Variants in RFX3 observed in about 807,000 individuals in gnomAD.
RFX3 encodes the protein transcription factor RFX3.
A neutral mutation model predicts 98.6 loss-of-function variants in RFX3; 14 were observed. The ratio of observed to expected loss-of-function variants is 0.14; its 90% CI spans 0.09 to 0.22. The LOEUF (loss-of-function observed/expected upper bound fraction) is 0.22, where lower values mean the gene tolerates loss of function less well. Ranked by LOEUF, RFX3 falls within the 10% of genes least tolerant of loss-of-function variation. The pLI is 1.00. For missense variants in RFX3, 639 were observed against 926.9 expected, an observed-to-expected ratio of 0.69 and a Z score of 4.03; for synonymous variants, 383 against 328.4, an observed-to-expected ratio of 1.17 and a Z score of -1.80.
intron 5 of RFX3, 121 bp from the exon 6 acceptor site, chr9:3,293,379 G>C (rs370324947): frequency 9.0e-6 from 6 of 664,288 alleles, no homozygotes; most frequent in African/African-American, 7.4e-5. Flanking sequence ...TTATGATAGA[G>C]TAAACTGCTA....
intron 2 of RFX3, among the ~76,000 whole-genome samples, chr9:3,366,622 ATTTTCTTTTCTTTTTT>A (rs1190696563): frequency 1.4e-5 from 2 of 142,864 alleles, no homozygotes; most frequent in Non-Finnish European, 3.1e-5. Flanking sequence ...TTTTTGGCAA[ATTTTCTTTTCTTTTTT>A]TTTTCTTTCT....
intron 2 of RFX3, among the ~76,000 whole-genome samples, chr9:3,388,843 A>G (rs2131827448): frequency 6.6e-6 from 1 of 152,248 alleles, no homozygotes; most frequent in East Asian, 1.9e-4. Context: ...GGGCTCCACT[A>G]TACCTCATGT....
At chr9:3,470,311 C>G (rs80055934) in intron 1 of RFX3, among the ~76,000 whole-genome samples, 4 of 150,436 alleles carry the variant, frequency 2.7e-5, no homozygotes, top group Non-Finnish European at 5.9e-5. Context: ...TTCTTTTTTT[C>G]TTTTTCCTTT....
At chr9:3,381,902 C>T (rs1246684822) in intron 2 of RFX3, among the ~76,000 whole-genome samples, 4 of 152,276 alleles carry the variant, frequency 2.6e-5, no homozygotes, top group South Asian at 2.1e-4. Flanking sequence ...TATATTACTA[C>T]TTTCAGTTTT....
At chr9:3,468,162 T>C (rs930139336) in intron 1 of RFX3, among the ~76,000 whole-genome samples, 1 of 152,180 alleles carries the variant, frequency 6.6e-6, no homozygotes, top group African/African-American at 2.4e-5. Context: ...TTTATTTGAA[T>C]AGATGTATTA....
chr9:3,268,486 G>C (rs1321172032), intron 11 of RFX3, among the ~76,000 whole-genome samples: 1 of 151,486 alleles, frequency 6.6e-6, no homozygotes, highest in African/African-American at 2.4e-5. Flanking sequence ...GCAGAAGATA[G>C]CTATCTAAAT....
At chr9:3,290,312 G>C (rs1270491177) in intron 6 of RFX3, among the ~76,000 whole-genome samples, 1 of 151,866 alleles carries the variant, frequency 6.6e-6, no homozygotes, top group African/African-American at 2.4e-5. Flanking sequence ...TACTTACAGA[G>C]TATGGATTCT....
chr9:3,240,585 T>C (rs1265840626), intron 15 of RFX3, among the ~76,000 whole-genome samples: 2 of 152,202 alleles, frequency 1.3e-5, no homozygotes, highest in Admixed American at 6.5e-5. Flanking sequence ...TTGAAGTGCT[T>C]GTATTATCAT....
At chr9:3,313,890 C>T (rs1001715359) in intron 4 of RFX3, among the ~76,000 whole-genome samples, 14 of 152,264 alleles carry the variant, frequency 9.2e-5, no homozygotes, top group African/African-American at 2.6e-4. Context: ...AGCAAATCTA[C>T]GTCTGATTGG....
intron 4 of RFX3, among the ~76,000 whole-genome samples, chr9:3,320,889 G>A (rs972231352): frequency 4.0e-5 from 6 of 149,718 alleles, no homozygotes; most frequent in African/African-American, 1.5e-4. Context: ...TTTCCCTGCT[G>A]ATGGATAAGG....
intron 4 of RFX3, among the ~76,000 whole-genome samples, chr9:3,308,676 G>C (rs1829612904): frequency 6.6e-6 from 1 of 152,156 alleles, no homozygotes; most frequent in Non-Finnish European, 1.5e-5. Flanking sequence ...AACCTGGTTG[G>C]AGCAACTTGC....
chr9:3,479,829 C>A lies in RFX3; in HGVS notation c.-9+45918G>T, dbSNP rs181026952. On this transcript the variant is annotated intron_variant, in intron 1 of 16. Transcript: ENST00000617270. The stretch of plus-strand genomic sequence containing the variant: ...ATCAGATACTTGACTTAGGAGGCAA[C>A]CCTATCTCTTGAGATTTCTCTGAAG... 1.4e-4 allele frequency among the ~76,000 whole-genome samples: 22 copies of A among 152,294 alleles called. No individual in the cohort carries two copies. The East Asian group carries it at 3.9e-3, about 27-fold the overall frequency.
intron 1 of RFX3, among the ~76,000 whole-genome samples, chr9:3,408,581 ATCTCTG>A (rs1456216593): frequency 6.6e-6 from 1 of 150,824 alleles, no homozygotes; most frequent in African/African-American, 2.4e-5. Flanking sequence ...TGTAAGAGTT[ATCTCTG>A]TCTCTGTCTC....
intron 1 of RFX3, among the ~76,000 whole-genome samples, chr9:3,418,357 T>C (rs1587600102): frequency 6.6e-6 from 1 of 152,298 alleles, no homozygotes; most frequent in East Asian, 1.9e-4. Context: ...ATAGCATTGA[T>C]TTATAAATAC....
At chr9:3,282,411 T>C (rs1397002433) in intron 7 of RFX3, among the ~76,000 whole-genome samples, 1 of 151,750 alleles carries the variant, frequency 6.6e-6, no homozygotes, top group Admixed American at 6.6e-5. Context: ...ACATCTATAA[T>C]CGGGCAAGAA....
chr9:3,401,886 G>T (rs1336883457), intron 1 of RFX3, among the ~76,000 whole-genome samples: 3 of 152,182 alleles, frequency 2.0e-5, no homozygotes, highest in African/African-American at 7.2e-5. Flanking sequence ...AGAAGGAAAA[G>T]ATATTGCAAA....
chr9:3,328,431 G>A (rs1175004632), intron 4 of RFX3, among the ~76,000 whole-genome samples: 10 of 152,064 alleles, frequency 6.6e-5, no homozygotes, highest in Non-Finnish European at 1.0e-4. Flanking sequence ...GGGGAACTGA[G>A]ATCCAGAAAA....
intron 1 of RFX3, among the ~76,000 whole-genome samples, chr9:3,493,480 C>A (rs558975341): frequency 6.6e-6 from 1 of 151,720 alleles, no homozygotes; most frequent in African/African-American, 2.4e-5. Context: ...GTCAGGAGAT[C>A]GAGACCATTC....
intron 2 of RFX3, among the ~76,000 whole-genome samples, chr9:3,366,706 C>CTTTCTTTCTTTCTTTCTTTCTTTCTTTCT (rs1837193475): frequency 1.1e-5 from 1 of 88,716 alleles, no homozygotes; most frequent in Non-Finnish European, 2.3e-5. Context: ...TTCTTTCTTT[C>CTTTCTTTCTTTCTTTCTTTCTTTCTTTCT]TTTCTTTCTT....
Sources: allele counts gnomAD v4.1 joint callset (sites outside exome capture counted in the v4.1 genomes callset), GRCh38; gene constraint gnomAD v4.1.1; transcripts MANE v1.5; gene names NCBI Gene and HGNC (gene_info 2026-07-23, HGNC 2026-07-21).